COX6B2: variants seen among roughly 807,000 people sequenced by gnomAD.
COX6B2 encodes the protein COX VIb-2.
Under a neutral mutation model 13.7 loss-of-function variants are expected in COX6B2, and 12 were observed. The ratio of observed to expected loss-of-function variants is 0.87; its 90% confidence interval spans 0.56 to 1.41. COX6B2 has a LOEUF of 1.41. Among genes scored for constraint, COX6B2 ranks in the 40% most tolerant of loss-of-function variants. The probability of loss-of-function intolerance (pLI) is 0.00; values close to 1 mark genes in which losing one functional copy is unlikely to be tolerated. For missense variants in COX6B2, 130 were observed against 118.3 expected, an observed-to-expected ratio of 1.10 and a Z score of -0.46; for synonymous variants, 56 against 46.6, an observed-to-expected ratio of 1.20 and a Z score of -0.82.
Position 55,354,700 on chromosome 19 carries a change from C to T in COX6B2, c.-69G>A. 1 of 568,382 alleles carries T rather than the reference C, an allele frequency of 1.8e-6. No homozygotes were observed. The highest frequency in any genetic ancestry group is 3.1e-6 in the Non-Finnish European group (1 of 320,614). The allele number at this position is 568,382 out of a possible 1,614,324, so 35.2% of individuals were successfully genotyped here. On this transcript the variant is annotated 5_prime_UTR_variant, in exon 1 of 5. Transcript: ENST00000326529. ...TCTGCTGTGGGATGGTCCCGGGGTG[C>T]CGCTCGCTTCTGAGTCCGCGGGGTG...
rs1361397602 is a variant in COX6B2 at position 55,352,677 on chromosome 19, C to G, written c.*114+930G>C. 1 of 152,162 alleles carries G rather than the reference C, an allele frequency of 6.6e-6. No homozygotes were observed. Among genetic ancestry groups the G allele is most frequent in the Admixed American group, 6.5e-5 (1 of 15,276 alleles). The allele number at this position is 152,162 out of a possible 1,614,324, so 9.4% of individuals were successfully genotyped here. ...CAGCACCCCAGGCTGACTGGTCTCA[C>G]GGCTCCCTCAGCAGGACCAGGCTGG... On this transcript the variant is annotated intron_variant, in intron 4 of 4. Coordinates refer to ENST00000326529, the MANE Select transcript of COX6B2 (RefSeq NM_144613.5). The surrounding 1 kb of genome is among the most constrained non-coding windows in gnomAD (Gnocchi z 6.2).
At chr19:55,353,225 AGGAGCCTGG>A (rs755792673) in intron 4 of COX6B2, 5 of 209,132 alleles carry the variant, frequency 2.4e-5, no homozygotes, top group Non-Finnish European at 5.0e-5. Context: ...GGGATGGGGA[AGGAGCCTGG>A]GGAGATGGTC....
chr19:55,351,038 C>G (rs575315692), intron 4 of COX6B2, among the ~76,000 whole-genome samples: 1 of 152,312 alleles, frequency 6.6e-6, no homozygotes, highest in East Asian at 1.9e-4. Context: ...CCTGGGCTGT[C>G]TGTCCGGTCA....
intron 2 of COX6B2, 150 bp from the exon 3 acceptor site, chr19:55,354,116 G>C: frequency 1.7e-6 from 1 of 588,032 alleles, no homozygotes. Flanking sequence ...GCCAGGCCCC[G>C]ACCCCTACCT....
chr19:55,350,836 G>C lies in COX6B2; in HGVS notation c.*115-36C>G, dbSNP rs2089665763. 6.6e-6 allele frequency: 1 copy of C among 152,466 alleles called. No homozygotes were observed. The highest frequency in any genetic ancestry group is 2.1e-4 in the South Asian group (1 of 4,838). 9.4% of individuals were successfully genotyped at this position (152,466 alleles called of 1,614,324 possible). On this transcript the variant is annotated intron_variant, in intron 4 of 4. Coordinates refer to ENST00000326529, the MANE Select transcript of COX6B2 (RefSeq NM_144613.5). The surrounding 1 kb of genome is among the most constrained non-coding windows in gnomAD (Gnocchi z 4.2). ...AGGTGGAAAGAAGTTTAGTGAAACA[G>C]GAAATACAACCAGCACTGACCTGGG...
chr19:55,353,358 G>A, intron 4 of COX6B2: 1 of 385,882 alleles, frequency 2.6e-6, no homozygotes, highest in Non-Finnish European at 4.9e-6. Flanking sequence ...GGGACCCTGG[G>A]CTGGCTCGTA....
Position 55,354,658 on chromosome 19 carries a change from CGTT to C in COX6B2, c.-30_-28del. On this transcript the variant is annotated 5_prime_UTR_variant, in exon 1 of 5. Transcript: ENST00000326529. ...ACCCGTCGTGCCCTCACCAGCCTGA[CGTT>C]GGCGGCCACTGGATCTGCTGTGGGA... 1.6e-6 allele frequency: 1 copy of C among 636,168 alleles called. No individual in the cohort carries two copies. Among genetic ancestry groups the C allele is most frequent in the East Asian group, 2.8e-5 (1 of 36,242 alleles). The allele number at this position is 636,168 out of a possible 1,614,324, so 39.4% of individuals were successfully genotyped here.
rs1372192623 is a variant in COX6B2 at position 55,353,912 on chromosome 19, C to A, written c.167G>T (p.Cys56Phe). Residue 56 changes from cysteine to phenylalanine, a missense_variant, in exon 3 of 5, where the codon TGC becomes TTC. Transcript: ENST00000326529. The part of the protein sequence containing the change: ...RTRRGKSTQP[C>F]EYYFRVYHSL... ...GTGGTACACGCGGAAATAGTACTCG[C>A]AGGGCTGCGTGCTCTTCCCGCGGCG... 6.4e-6 allele frequency: 10 copies of A among 1,571,016 alleles called. No individual in the cohort carries two copies. In the African/African-American group the frequency reaches 1.4e-4, roughly 21 times the overall value.
chr19:55,354,067 C>T (rs970627720), intron 2 of COX6B2, 101 bp from the exon 3 acceptor site: 27 of 1,083,816 alleles, frequency 2.5e-5, no homozygotes, highest in Non-Finnish European at 3.2e-5. Context: ...CTTCGTCCCG[C>T]CTCCCTCTCC....
Position 55,354,514 on chromosome 19 carries a change from T to G in COX6B2, c.8A>C (p.Asp3Ala). 6.2e-7 allele frequency: 1 copy of G among 1,609,876 alleles called. No individual in the cohort carries two copies. Among genetic ancestry groups the G allele is most frequent in the Non-Finnish European group, 8.5e-7 (1 of 1,177,288 alleles). Reference protein sequence around the residue: MLDVEAQEPPKGK... With the variant: MLAVEAQEPPKGK... ...CTTGGGGGGCTCCTGGGCTTCCACA[T>G]CCAACATCCACGAAGGAGGCAACTC... Residue 3 changes from aspartate to alanine, a missense_variant, in exon 2 of 5, where the codon GAT becomes GCT. Transcript: ENST00000326529.
Position 55,354,477 on chromosome 19 carries a change from C to A in COX6B2, c.45G>T (p.Ser15=). ...GGAAGCGCGGGTCGAAGGGCGGCGTCGACCATTTCCCCTTGGGGGGCTCCT... is the reference window on the plus strand; with the variant it reads ...GGAAGCGCGGGTCGAAGGGCGGCGTAGACCATTTCCCCTTGGGGGGCTCCT... ...EAQEPPKGKW[S]TPPFDPRFPS... is the part of the protein sequence containing the mutation. The change falls in exon 2 of 5, where the codon TCG becomes TCT. Residue 15 remains serine, a synonymous_variant. Coordinates refer to ENST00000326529, the MANE Select transcript of COX6B2 (RefSeq NM_144613.5). 6.2e-7 allele frequency: 1 copy of A among 1,613,954 alleles called. No individual in the cohort carries two copies. The highest frequency in any genetic ancestry group is 8.5e-7 in the Non-Finnish European group (1 of 1,179,896).
Position 55,353,736 on chromosome 19 carries a change from G to A in COX6B2, c.252C>T (p.Phe84=), listed in dbSNP as rs2123216970. The change falls in exon 4 of 5, where the codon TTC becomes TTT. Residue 84 remains phenylalanine, a synonymous_variant. Coordinates refer to ENST00000326529, the MANE Select transcript of COX6B2 (RefSeq NM_144613.5). ...GCTGGGGCAGTCAGATTTTGCCGGCGAAAATCCCGTTCTTGATCTGCTCGT... is the reference window on the plus strand; with the variant it reads ...GCTGGGGCAGTCAGATTTTGCCGGCAAAAATCCCGTTCTTGATCTGCTCGT... The part of the protein sequence containing the change: ...SWNEQIKNGI[F]AGKI 6.2e-7 allele frequency: 1 copy of A among 1,609,894 alleles called. No individual in the cohort carries two copies. Among genetic ancestry groups the A allele is most frequent in the Non-Finnish European group, 8.5e-7 (1 of 1,177,690 alleles).
Position 55,350,030 on chromosome 19 carries a change from G to A in COX6B2, c.*885C>T, listed in dbSNP as rs931814425. 6.6e-6 allele frequency: 1 copy of A among 152,232 alleles called. No individual in the cohort carries two copies. Among genetic ancestry groups the A allele is most frequent in the African/African-American group, 2.4e-5 (1 of 41,430 alleles). 9.4% of individuals were successfully genotyped at this position (152,232 alleles called of 1,614,324 possible). On this transcript the variant is annotated 3_prime_UTR_variant, in exon 5 of 5. Transcript: ENST00000326529. This position sits in a 1 kb window ranked among gnomAD's most constrained non-coding sequence, Gnocchi z 4.2. ...TAATCCCAGCTACTCGGGAGGCTGA[G>A]GCAGGAGAATCACTTGAACCCGGGA...
intron 4 of COX6B2, chr19:55,351,685 T>C (rs2123213488): frequency 6.6e-6 from 1 of 152,226 alleles, no homozygotes; most frequent in Middle Eastern, 3.4e-3. Flanking sequence ...AGAGTGGCCT[T>C]GGTTTTCTCT....
chr19:55,354,510 C>T lies in COX6B2; in HGVS notation c.12G>A (p.Val4=). The T allele has an allele frequency of 1.2e-6, 2 of 1,611,280 alleles. No individual in the cohort carries two copies. Among genetic ancestry groups the T allele is most frequent in the Non-Finnish European group, 1.7e-6 (2 of 1,178,120 alleles). ...TCCCCTTGGGGGGCTCCTGGGCTTC[C>T]ACATCCAACATCCACGAAGGAGGCA... MLD[V]EAQEPPKGKW... is the part of the protein sequence containing the mutation. Residue 4 remains valine, a synonymous_variant, in exon 2 of 5, where the codon GTG becomes GTA. Transcript: ENST00000326529.
intron 2 of COX6B2, 91 bp downstream of exon 2, chr19:55,354,319 C>G: frequency 1.1e-6 from 1 of 925,218 alleles, no homozygotes; most frequent in Admixed American, 1.8e-5. Context: ...CCCACCCTAA[C>G]GGTCTCCGCG....
chr19:55,353,265 A>T, intron 4 of COX6B2: 1 of 247,358 alleles, frequency 4.0e-6, no homozygotes, highest in Non-Finnish European at 8.1e-6. Flanking sequence ...GGGAGTAGGG[A>T]AAGGACTGAG....
chr19:55,354,198 G>T, intron 2 of COX6B2: 1 of 589,982 alleles, frequency 1.7e-6, no homozygotes, highest in Non-Finnish European at 3.0e-6. Context: ...ACTCGGCCCC[G>T]CACCTTCCAG....
chr19:55,353,323 C>G, intron 4 of COX6B2: 1 of 323,292 alleles, frequency 3.1e-6, no homozygotes, highest in Non-Finnish European at 5.9e-6. Context: ...TTGGAGCCAT[C>G]TGGGTGGGAC....
Sources: allele counts gnomAD v4.1 joint callset (sites outside exome capture counted in the v4.1 genomes callset), GRCh38; gene constraint gnomAD v4.1.1; non-coding constraint Gnocchi (gnomAD v3.1); transcripts MANE v1.5; gene names NCBI Gene and HGNC (gene_info 2026-07-23, HGNC 2026-07-21).